The following IMMP2L variants were observed in gnomAD, a reference collection of about 807,000 sequenced individuals.
IMMP2L encodes mitochondrial inner membrane protease subunit 2.
A neutral mutation model predicts 19.3 loss-of-function variants in IMMP2L; 18 were observed. That is an observed-to-expected ratio of 0.93 (90% CI 0.64 to 1.38). The LOEUF (loss-of-function observed/expected upper bound fraction) is 1.38. Ranked by LOEUF, IMMP2L falls within the 40% of genes most tolerant of loss-of-function variation. IMMP2L has a pLI of 0.00. For synonymous variants in IMMP2L, 76 were observed against 73.0 expected (o/e 1.04, Z -0.21); for missense variants, 233 against 218.2 (o/e 1.07, Z -0.43).
chr7:110,756,462 T>C (rs1798047958), intron 5 of IMMP2L, among the ~76,000 whole-genome samples: 2 of 152,032 alleles, frequency 1.3e-5, no homozygotes, highest in African/African-American at 4.8e-5. Context: ...ATGGAAGATA[T>C]AGGATGGAAA....
intron 2 of IMMP2L, among the ~76,000 whole-genome samples, chr7:111,490,393 C>T (rs547645040): frequency 6.6e-6 from 1 of 151,476 alleles, no homozygotes; most frequent in Non-Finnish European, 1.5e-5. Flanking sequence ...GCTGAGATTA[C>T]AGGTAGGAGC....
chr7:111,357,659 G>A (rs752302293), intron 3 of IMMP2L, among the ~76,000 whole-genome samples: 2 of 152,020 alleles, frequency 1.3e-5, no homozygotes, highest in Non-Finnish European at 2.9e-5. Context: ...TAGTTATTAT[G>A]TCTAAATATT....
chr7:110,849,258 A>T (rs77039922), intron 5 of IMMP2L, among the ~76,000 whole-genome samples: 8,098 of 152,166 alleles, frequency 0.053, 689 homozygotes, highest in African/African-American at 0.18. Context: ...TACTAATTTT[A>T]AAAAAACTCA....
At chr7:110,881,925 C>T (rs1330937717) in intron 5 of IMMP2L, among the ~76,000 whole-genome samples, 1 of 152,108 alleles carries the variant, frequency 6.6e-6, no homozygotes, top group Non-Finnish European at 1.5e-5. Flanking sequence ...CTACCAAATC[C>T]TCCTGGGAGA....
intron 3 of IMMP2L, among the ~76,000 whole-genome samples, chr7:110,965,699 GTATAAAA>G (rs1819468605): frequency 6.6e-6 from 1 of 151,856 alleles, no homozygotes; most frequent in South Asian, 2.1e-4. Flanking sequence ...AACTAGGAAA[GTATAAAA>G]TATTATTCAG....
At chr7:111,442,253 T>C (rs572227559) in intron 3 of IMMP2L, among the ~76,000 whole-genome samples, 2 of 151,974 alleles carry the variant, frequency 1.3e-5, no homozygotes, top group Admixed American at 6.5e-5. Context: ...CCACTTACCA[T>C]GCTCCACAAA....
Position 111,238,985 on chromosome 7 carries a change from A to G in IMMP2L, c.239+248253T>C, listed in dbSNP as rs376563839. On this transcript the variant is annotated intron_variant, in intron 3 of 5. Transcript: ENST00000405709. The stretch of plus-strand genomic sequence containing the variant: ...ATGTTCTTGCCATAATTGCAATAAT[A>G]GTAGCTTTCACTTTCACTATTTCAC... Among the ~76,000 whole-genome samples, 189 of 152,120 alleles carry G rather than the reference A, an allele frequency of 1.2e-3. 2 individuals carry two copies. The highest frequency in any genetic ancestry group is 4.3e-3 in the African/African-American group (178 of 41,574).
chr7:110,987,053 C>A, intron 3 of IMMP2L, among the ~76,000 whole-genome samples: 1 of 152,008 alleles, frequency 6.6e-6, no homozygotes, highest in East Asian at 1.9e-4. Context: ...AAATATATAT[C>A]AATCTAGTGG....
intron 5 of IMMP2L, among the ~76,000 whole-genome samples, chr7:110,786,361 G>C (rs1345767247): frequency 6.6e-6 from 1 of 151,988 alleles, no homozygotes; most frequent in Non-Finnish European, 1.5e-5. Context: ...ACTGAGAACA[G>C]ATGAGAGTTC....
intron 3 of IMMP2L, among the ~76,000 whole-genome samples, chr7:111,268,384 G>T (rs1255962255): frequency 1.3e-5 from 2 of 150,580 alleles, no homozygotes; most frequent in Admixed American, 1.3e-4. Context: ...TCATGGTTTT[G>T]CCCAGGAACA....
chr7:111,088,382 C>A (rs746901942), intron 3 of IMMP2L, among the ~76,000 whole-genome samples: 1 of 151,814 alleles, frequency 6.6e-6, no homozygotes, highest in Non-Finnish European at 1.5e-5. Flanking sequence ...ACATGTACAA[C>A]CATGTAATAC....
At chr7:110,916,559 C>T (rs1813635442) in intron 4 of IMMP2L, among the ~76,000 whole-genome samples, 1 of 152,118 alleles carries the variant, frequency 6.6e-6, no homozygotes, top group African/African-American at 2.4e-5. Context: ...AAAATGGGAC[C>T]AAAACCATTA....
chr7:110,929,940 G>A (rs1198072292), intron 4 of IMMP2L, among the ~76,000 whole-genome samples: 4 of 151,966 alleles, frequency 2.6e-5, no homozygotes, highest in African/African-American at 9.7e-5. Context: ...GGTAGATGGG[G>A]GAAGATAACT....
At chr7:111,107,894 T>C (rs1312483001) in intron 3 of IMMP2L, among the ~76,000 whole-genome samples, 2 of 152,196 alleles carry the variant, frequency 1.3e-5, no homozygotes, top group African/African-American at 4.8e-5. Flanking sequence ...TAAATTTTAC[T>C]AGTTTCATGT....
chr7:111,126,999 T>A (rs1396526545), intron 3 of IMMP2L, among the ~76,000 whole-genome samples: 2 of 152,216 alleles, frequency 1.3e-5, no homozygotes, highest in East Asian at 1.9e-4. Context: ...AGTTTCCAGT[T>A]AAATCCTAGC....
chr7:111,061,732 T>C (rs532867175), intron 3 of IMMP2L, among the ~76,000 whole-genome samples: 186 of 152,288 alleles, frequency 1.2e-3, no homozygotes, highest in Non-Finnish European at 2.0e-3. Flanking sequence ...CCAAAACACA[T>C]CAATTCTCCA....
chr7:110,954,223 A>T (rs1046652773), intron 4 of IMMP2L, among the ~76,000 whole-genome samples: 36 of 152,092 alleles, frequency 2.4e-4, no homozygotes, highest in Non-Finnish European at 1.3e-4. Flanking sequence ...CCTACACAAA[A>T]TTTGTCTCCA....
At chr7:111,215,960 T>G (rs1269005999) in intron 3 of IMMP2L, among the ~76,000 whole-genome samples, 1 of 152,202 alleles carries the variant, frequency 6.6e-6, no homozygotes, top group Non-Finnish European at 1.5e-5. Context: ...TTACTATAAT[T>G]TCTCTTTTAT....
intron 3 of IMMP2L, among the ~76,000 whole-genome samples, chr7:111,335,250 G>T (rs1014077039): frequency 6.6e-6 from 1 of 152,066 alleles, no homozygotes. Context: ...CATATTTGAT[G>T]AAATGGATGC....
Sources: allele counts gnomAD v4.1 joint callset (sites outside exome capture counted in the v4.1 genomes callset), GRCh38; gene constraint gnomAD v4.1.1; transcripts MANE v1.5; gene names NCBI Gene and HGNC (gene_info 2026-07-23, HGNC 2026-07-21).